MTO1: variants seen among roughly 807,000 people sequenced by gnomAD.
MTO1 encodes 5-taurinomethyluridine-[tRNA] synthase subunit MTO1, mitochondrial.
Under a neutral mutation model 71.6 loss-of-function variants are expected in MTO1, and 46 were observed. That is an observed-to-expected ratio of 0.64 (90% confidence interval 0.51 to 0.82). The LOEUF (loss-of-function observed/expected upper bound fraction) is 0.82. MTO1 is among the 40% of genes least tolerant of loss of function. The pLI is 0.00. For missense variants in MTO1, 773 were observed against 867.5 expected, an observed-to-expected ratio of 0.89 and a Z score of 1.37; for synonymous variants, 297 against 312.1, an observed-to-expected ratio of 0.95 and a Z score of 0.51.
chr6:73,497,783 G>T lies in MTO1; in HGVS notation c.1804G>T (p.Val602Phe). 1.2e-6 allele frequency: 2 copies of T among 1,613,988 alleles called. No homozygotes were observed. Among genetic ancestry groups the T allele is most frequent in the Non-Finnish European group, 1.7e-6 (2 of 1,179,916 alleles). ...LFHQLQEIKG[V>F]QQDEALQLPK... ...CCATCAACTACAAGAAATAAAGGGA[G>T]TTCAGCAAGATGAAGCTCTCCAACT... The change falls in exon 11 of 12, where the codon GTT becomes TTT. Residue 602 changes from valine to phenylalanine, a missense_variant. Val to Phe is a conservative substitution (Grantham distance 50). Transcript: ENST00000498286.
chr6:73,506,243 C>A lies in MTO1; in HGVS notation c.*5508C>A, dbSNP rs199750916. On this transcript the variant is annotated 3_prime_UTR_variant, in exon 12 of 12. Coordinates refer to ENST00000498286, the MANE Select transcript of MTO1 (RefSeq NM_012123.4). Reference sequence around the variant, plus strand: ...CCACCTCCCTCAGCCTCTCAAAGTGCTGGGATTACAGGCATGAGCCACCGT... The same window carrying A: ...CCACCTCCCTCAGCCTCTCAAAGTGATGGGATTACAGGCATGAGCCACCGT... The A allele has an allele frequency of 6.6e-6, 1 of 152,434 alleles. No individual in the cohort carries two copies. Among genetic ancestry groups the A allele is most frequent in the Non-Finnish European group, 1.5e-5 (1 of 68,144 alleles). The allele number at this position is 152,434 out of a possible 1,614,324, so 9.4% of individuals were successfully genotyped here. A position where few individuals can be genotyped will look rare whatever the true frequency, so the allele number is the denominator to read the frequency against.
At chr6:73,465,232 C>T (rs1036316748) in intron 1 of MTO1, among the ~76,000 whole-genome samples, 1 of 151,388 alleles carries the variant, frequency 6.6e-6, no homozygotes, top group African/African-American at 2.4e-5. Context: ...GGTGCCATCT[C>T]GGCTCACTGC....
Position 73,503,112 on chromosome 6 carries a change from C to T in MTO1, c.*2377C>T, listed in dbSNP as rs569652. ...TCTATGATTTGCTTTAGGATGTGAA[C>T]TTCTTTATTTTTTAGAGACAGGGTC... On this transcript the variant is annotated 3_prime_UTR_variant, in exon 12 of 12. Coordinates refer to ENST00000498286, the MANE Select transcript of MTO1 (RefSeq NM_012123.4). The T allele has an allele frequency of 0.62, 94,263 of 151,430 alleles. 30,206 individuals are homozygous for T. Among genetic ancestry groups the T allele is most frequent in the South Asian group, 0.72 (3,446 of 4,810 alleles). The allele number at this position is 151,430 out of a possible 1,614,324, so 9.4% of individuals were successfully genotyped here.
intron 1 of MTO1, among the ~76,000 whole-genome samples, chr6:73,463,647 T>C (rs1390892010): frequency 6.6e-6 from 1 of 152,194 alleles, no homozygotes; most frequent in African/African-American, 2.4e-5. Flanking sequence ...ATATATACTA[T>C]TAACTGCGGT....
chr6:73,491,227 C>T (rs1771793274), intron 9 of MTO1, among the ~76,000 whole-genome samples: 1 of 150,392 alleles, frequency 6.6e-6, no homozygotes, highest in Admixed American at 6.7e-5. Context: ...CAAAAATTTC[C>T]ATGTGGTAAA....
At position 73,466,340 on chromosome 6, in the gene MTO1, C is replaced by T. The variant is rs369249388; in HGVS notation, c.349C>T (p.Arg117Cys). Residue 117 changes from arginine to cysteine, a missense_variant, in exon 2 of 12, where the codon CGT becomes TGT. Arg to Cys is a radical substitution (Grantham distance 180). Transcript: ENST00000498286. ...SGVHYKVLNR[R>C]KGPAVWGLRA... is the part of the protein sequence containing the mutation. ...TGTACATTATAAAGTATTAAACCGG[C>T]GTAAGGGACCAGCTGTGTGGGGTCT... 10 of 1,613,938 alleles carry T rather than the reference C, an allele frequency of 6.2e-6. No individual in the cohort carries two copies. The highest frequency in any genetic ancestry group is 8.5e-6 in the Non-Finnish European group (10 of 1,180,042).
chr6:73,466,702 C>A, intron 3 of MTO1, 96 bp downstream of exon 3: 1 of 1,070,508 alleles, frequency 9.3e-7, no homozygotes, highest in Non-Finnish European at 1.4e-6. Context: ...GTTGCTTATT[C>A]AAGGAACTTG....
In MTO1 at chr6:73,492,214, A is replaced by C. The variant is rs765191142; in HGVS notation, c.1638-20A>C. 3 of 1,505,646 alleles carry C rather than the reference A, an allele frequency of 2.0e-6. No individual in the cohort carries two copies. The African/African-American group carries it at 4.1e-5, about 21-fold the overall frequency. The allele number at this position is 1,505,646 out of a possible 1,614,324, so 93.3% of individuals were successfully genotyped here. ...TATGACATGGATCCTTATGTTAATG[A>C]AACTTTCATATATTTGCAGAGCTCT... On this transcript the variant is annotated intron_variant, in intron 9 of 11. Coordinates refer to ENST00000498286, the MANE Select transcript of MTO1 (RefSeq NM_012123.4).
rs1366792296 is a variant in MTO1, at chr6:73,479,954, A to G, written c.957A>G (p.Glu319=). Residue 319 remains glutamate (E), a synonymous_variant, in exon 6 of 12, where the codon GAA becomes GAG. Coordinates refer to ENST00000498286, the MANE Select transcript of MTO1 (RefSeq NM_012123.4). ...ATTCTAGATACTGTCCCTCCATTGA[A>G]TCAAAAGTTTTGCGTTTTCCAAACC... ...TRGPRYCPSI[E]SKVLRFPNRL... is the part of the protein sequence containing the mutation. 6.2e-7 allele frequency: 1 copy of G among 1,612,794 alleles called. No individual in the cohort carries two copies. The highest frequency in any genetic ancestry group is 8.5e-7 in the Non-Finnish European group (1 of 1,179,566).
chr6:73,485,762 A>C (rs969942363), intron 9 of MTO1, among the ~76,000 whole-genome samples: 7 of 152,046 alleles, frequency 4.6e-5, no homozygotes, highest in African/African-American at 1.4e-4. Flanking sequence ...TAGCGAACTC[A>C]CTTGATCAAT....
intron 4 of MTO1, among the ~76,000 whole-genome samples, chr6:73,477,629 C>T (rs1389295167): frequency 1.3e-5 from 2 of 151,264 alleles, no homozygotes; most frequent in Non-Finnish European, 2.9e-5. Flanking sequence ...ACCTCAGCCT[C>T]CCAAGTAGCT....
At position 73,508,046 on chromosome 6, in the gene MTO1, T is replaced by G. The variant is rs961760541; in HGVS notation, c.*7311T>G. ...ATCTGGAAGTCTGTTTCTCTTAACC[T>G]TCAGTTCCCATTCCAATCCTTTGTA... On this transcript the variant is annotated 3_prime_UTR_variant, in exon 12 of 12. Coordinates refer to ENST00000498286, the MANE Select transcript of MTO1 (RefSeq NM_012123.4). The G allele has an allele frequency of 1.3e-5, 2 of 151,950 alleles. No individual in the cohort carries two copies. The highest frequency in any genetic ancestry group is 6.6e-5 in the Admixed American group (1 of 15,224). 9.4% of individuals were successfully genotyped at this position (151,950 alleles called of 1,614,324 possible). A position where few individuals can be genotyped will look rare whatever the true frequency, so the allele number is the denominator to read the frequency against.
intron 9 of MTO1, among the ~76,000 whole-genome samples, chr6:73,483,480 G>T (rs1275105962): frequency 2.6e-5 from 4 of 151,598 alleles, no homozygotes; most frequent in Non-Finnish European, 4.4e-5. Flanking sequence ...TTTCTCTGTG[G>T]CTCCCATTGA....
chr6:73,476,091 G>A (rs1771309439), intron 4 of MTO1, among the ~76,000 whole-genome samples: 2 of 151,924 alleles, frequency 1.3e-5, no homozygotes, highest in Admixed American at 1.3e-4. Context: ...AGCTGGGCGT[G>A]GTGGCTCATG....
At chr6:73,499,521 C>CAAA (rs200492522) in intron 11 of MTO1, among the ~76,000 whole-genome samples, 5,331 of 108,726 alleles carry the variant, frequency 0.049, 282 homozygotes, top group African/African-American at 0.16. Context: ...AACCCTGTCT[C>CAAA]AAAAAAAAAA....
intron 3 of MTO1, among the ~76,000 whole-genome samples, chr6:73,469,954 G>A (rs889816673): frequency 1.3e-5 from 2 of 152,040 alleles, no homozygotes; most frequent in African/African-American, 4.8e-5. Flanking sequence ...GTGGTAAGCC[G>A]TGATAGTGCC....
chr6:73,493,637 C>T (rs776961587), intron 10 of MTO1, among the ~76,000 whole-genome samples: 77 of 150,930 alleles, frequency 5.1e-4, no homozygotes, highest in Non-Finnish European at 5.8e-4. Flanking sequence ...GTGATCCGCC[C>T]GCCTTGGCCT....
rs1561957752 is a variant in MTO1 at position 73,505,552 on chromosome 6, TTTTGTTTTTG to T, written c.*4821_*4830del. 3.5e-5 allele frequency: 1 copy of T among 28,284 alleles called. No homozygotes were observed. Among genetic ancestry groups the T allele is most frequent in the Non-Finnish European group, 1.4e-4 (1 of 7,038 alleles). 1.8% of individuals were successfully genotyped at this position (28,284 alleles called of 1,614,324 possible). A position where few individuals can be genotyped will look rare whatever the true frequency, so the allele number is the denominator to read the frequency against. ...TGAGTACAGAATTTCAGTTTTTTTG[TTTTGTTTTTG>T]TTTTTGTTTTTGAGATGGAGCCTCA... On this transcript the variant is annotated 3_prime_UTR_variant, in exon 12 of 12. Transcript: ENST00000498286.
At chr6:73,477,673 C>T (rs1371757473) in intron 4 of MTO1, among the ~76,000 whole-genome samples, 1 of 151,460 alleles carries the variant, frequency 6.6e-6, no homozygotes, top group Non-Finnish European at 1.5e-5. Flanking sequence ...TGGCTGGCTA[C>T]TTTTTGTATT....
Sources: gnomAD v4.1 joint callset for allele counts (sites outside exome capture counted in the v4.1 genomes callset) on GRCh38, gnomAD v4.1.1 for gene constraint, MANE v1.5 for transcripts, NCBI Gene and HGNC (gene_info 2026-07-23, HGNC 2026-07-21) for gene names.